STAG1: variants seen among roughly 807,000 people sequenced by gnomAD.
The protein encoded by STAG1 is STAG1 cohesin complex component.
STAG1 carries 26 observed loss-of-function variants against 170.9 expected under a neutral mutation model. The observed-to-expected ratio is 0.15, with a 90% confidence interval of 0.11 to 0.21. The LOEUF is 0.21. STAG1 is among the 10% of genes least tolerant of loss of function. The pLI, the probability that STAG1 is intolerant of heterozygous loss-of-function variation, is 1.00. For missense variants in STAG1, 964 were observed against 1,509.5 expected (o/e 0.64, Z 5.99); for synonymous variants, 514 against 497.7 (o/e 1.03, Z -0.44).
At chr3:136,377,591 G>T (rs1425458302) in intron 23 of STAG1, 69 bp downstream of exon 23, 2 of 1,320,194 alleles carry the variant, frequency 1.5e-6, no homozygotes, top group African/African-American at 1.5e-5. Flanking sequence ...ATAAAAAATT[G>T]TATCTTCTTA....
intron 7 of STAG1, among the ~76,000 whole-genome samples, chr3:136,513,633 G>T (rs1381851630): frequency 6.6e-6 from 1 of 151,802 alleles, no homozygotes; most frequent in Non-Finnish European, 1.5e-5. Flanking sequence ...TTGGAAACGA[G>T]AAACAAAATC....
chr3:136,530,750 G>A (rs1267747452), intron 6 of STAG1, among the ~76,000 whole-genome samples: 2 of 152,110 alleles, frequency 1.3e-5, no homozygotes, highest in African/African-American at 4.8e-5. Flanking sequence ...AAACCTGTGG[G>A]ATATAGCAAA....
intron 29 of STAG1, among the ~76,000 whole-genome samples, chr3:136,347,375 G>C (rs766245690): frequency 8.2e-6 from 1 of 122,400 alleles, no homozygotes; most frequent in Non-Finnish European, 1.6e-5. Flanking sequence ...CAGCCTGGGT[G>C]ACAGAGGGAG....
Position 136,630,930 on chromosome 3 carries a change from A to T in STAG1, c.-32T>A. 1 of 1,558,352 alleles carries T rather than the reference A, an allele frequency of 6.4e-7. No individual in the cohort carries two copies. Among genetic ancestry groups the T allele is most frequent in the Non-Finnish European group, 8.7e-7 (1 of 1,149,898 alleles). ...AGAGGTCCTTTCACAATGCAGCAAAATAATCAAGTGCTGTACAACTCAAAA... is the reference window on the plus strand; with the variant it reads ...AGAGGTCCTTTCACAATGCAGCAAATTAATCAAGTGCTGTACAACTCAAAA... On this transcript the variant is annotated 5_prime_UTR_variant, in exon 2 of 34. Transcript: ENST00000383202.
chr3:136,494,284 A>G (rs1205195786), intron 9 of STAG1, among the ~76,000 whole-genome samples: 1 of 152,172 alleles, frequency 6.6e-6, no homozygotes, highest in Non-Finnish European at 1.5e-5. Flanking sequence ...AAAATAAATT[A>G]ATAAAAAACA....
chr3:136,357,612 C>T, intron 28 of STAG1, 108 bp downstream of exon 28: 1 of 841,128 alleles, frequency 1.2e-6, no homozygotes, highest in South Asian at 2.1e-5. Flanking sequence ...CTATCAGAGC[C>T]TAAATTATCA....
intron 1 of STAG1, among the ~76,000 whole-genome samples, chr3:136,704,277 C>G (rs930953983): frequency 1.3e-5 from 2 of 151,724 alleles, no homozygotes; most frequent in Non-Finnish European, 2.9e-5. Flanking sequence ...TCTCGAACCC[C>G]TGACCTCAGG....
At chr3:136,369,030 C>T (rs1937190660) in intron 24 of STAG1, 78 bp downstream of exon 24, 1 of 1,302,466 alleles carries the variant, frequency 7.7e-7, no homozygotes, top group Non-Finnish European at 1.0e-6. Context: ...ATTTTTAGAA[C>T]TGAATTTGTT....
chr3:136,351,241 T>C lies in STAG1; in HGVS notation c.3066-1878A>G, dbSNP rs893361852. On this transcript the variant is annotated intron_variant, in intron 28 of 33. Coordinates refer to ENST00000383202, the MANE Select transcript of STAG1 (RefSeq NM_005862.3). ...TTTATCACCAATCTTTGGTGGTTAT[T>C]AATAGGTTGCTGAGCTAACTTGGCA... Among the ~76,000 whole-genome samples, 4 of 152,190 alleles carry C rather than the reference T, an allele frequency of 2.6e-5. No homozygotes were observed. The South Asian group carries it at 8.3e-4, about 32-fold the overall frequency.
intron 3 of STAG1, among the ~76,000 whole-genome samples, chr3:136,615,373 A>G (rs1939532370): frequency 7.5e-6 from 1 of 132,760 alleles, no homozygotes. Context: ...ATTGCCTGTG[A>G]GCTGAGATCG....
intron 16 of STAG1, among the ~76,000 whole-genome samples, chr3:136,427,762 C>T (rs1047802948): frequency 1.3e-4 from 19 of 151,650 alleles, no homozygotes; most frequent in African/African-American, 4.6e-4. Context: ...ATTAGAAGTA[C>T]AGCTTATATA....
intron 1 of STAG1, among the ~76,000 whole-genome samples, chr3:136,684,597 A>G (rs964938733): frequency 6.6e-6 from 1 of 151,940 alleles, no homozygotes; most frequent in Non-Finnish European, 1.5e-5. Context: ...TAAAAAATAC[A>G]AAAATTAGCT....
At chr3:136,490,860 T>C (rs2090112799) in intron 9 of STAG1, among the ~76,000 whole-genome samples, 1 of 152,212 alleles carries the variant, frequency 6.6e-6, no homozygotes, top group South Asian at 2.1e-4. Context: ...AGTTTGTCCT[T>C]ATGGCCTAAC....
At chr3:136,459,150 G>A (rs750824752) in intron 13 of STAG1, among the ~76,000 whole-genome samples, 7 of 151,584 alleles carry the variant, frequency 4.6e-5, no homozygotes, top group Admixed American at 2.6e-4. Context: ...CCCAGGAGGT[G>A]GAGGTTGCAG....
intron 14 of STAG1, among the ~76,000 whole-genome samples, chr3:136,450,648 C>T (rs1439393853): frequency 2.0e-5 from 3 of 152,352 alleles, no homozygotes; most frequent in Admixed American, 2.0e-4. Flanking sequence ...CACTGACATT[C>T]TAGCACAAAT....
chr3:136,678,937 C>G lies in STAG1; in HGVS notation c.-83-47956G>C, dbSNP rs143901885. ...ATGTGCCTGCTGTAGTACTAGCTAC[C>G]TGGCAGTGGGGAGAGCAGGGCAAAT... On this transcript the variant is annotated intron_variant, in intron 1 of 33. Coordinates refer to ENST00000383202, the MANE Select transcript of STAG1 (RefSeq NM_005862.3). 6.1e-4 allele frequency among the ~76,000 whole-genome samples: 88 copies of G among 144,124 alleles called. No individual in the cohort carries two copies. The East Asian group carries it at 0.017, about 27-fold the overall frequency. 94.6% of individuals were successfully genotyped at this position (144,124 alleles called of 152,430 possible). A position where few individuals can be genotyped will look rare whatever the true frequency, so the allele number is the denominator to read the frequency against.
At chr3:136,606,626 A>G (rs566499123) in intron 3 of STAG1, among the ~76,000 whole-genome samples, 75 of 152,228 alleles carry the variant, frequency 4.9e-4, no homozygotes, top group Non-Finnish European at 3.2e-4. Flanking sequence ...TTTGATGACC[A>G]TAGGAGTTTT....
intron 6 of STAG1, among the ~76,000 whole-genome samples, chr3:136,522,754 G>T (rs1272716811): frequency 1.6e-5 from 2 of 126,978 alleles, no homozygotes; most frequent in African/African-American, 6.2e-5. Context: ...AGCGTGTGAC[G>T]TTCCCTTCCT....
chr3:136,627,543 A>G (rs34602896), intron 2 of STAG1, among the ~76,000 whole-genome samples: 29,941 of 152,148 alleles, frequency 0.2, 3,244 homozygotes, highest in Non-Finnish European at 0.24. Context: ...TTCCTTATCA[A>G]TGAGCACTTA....
Sources: allele counts gnomAD v4.1 joint callset (sites outside exome capture counted in the v4.1 genomes callset), GRCh38; gene constraint gnomAD v4.1.1; transcripts MANE v1.5; gene names NCBI Gene and HGNC (gene_info 2026-07-23, HGNC 2026-07-21).